GEMIN5: variants seen among roughly 807,000 people sequenced by gnomAD.
GEMIN5 encodes gem-associated protein 5.
In GEMIN5, 124 loss-of-function variants were observed where a neutral mutation model predicts 176.9. The observed-to-expected ratio is 0.70, with a 90% confidence interval of 0.61 to 0.81. The LOEUF is 0.81. GEMIN5 is among the 40% of genes least tolerant of loss of function. The pLI, the probability that GEMIN5 is intolerant of heterozygous loss-of-function variation, is 0.00. For synonymous variants in GEMIN5, 673 were observed against 665.2 expected (o/e 1.01, Z -0.18); for missense variants, 1,843 against 1,814.6 (o/e 1.02, Z -0.28).
At chr5:154,936,340 C>T (rs1376572879) in intron 2 of GEMIN5, among the ~76,000 whole-genome samples, 3 of 53,028 alleles carry the variant, frequency 5.7e-5, no homozygotes, top group Non-Finnish European at 1.3e-4. Context: ...TGGCGTCAAC[C>T]CAGGAGGCGG....
chr5:154,911,872 G>C lies in GEMIN5; in HGVS notation c.2022C>G (p.Pro674=), dbSNP rs149213311. 47 of 1,613,876 alleles carry C rather than the reference G, an allele frequency of 2.9e-5. No homozygotes were observed. Among genetic ancestry groups the C allele is most frequent in the Non-Finnish European group, 3.9e-5 (46 of 1,179,968 alleles). The change falls in exon 15 of 28, where the codon CCC becomes CCG. Residue 674 remains proline, a synonymous_variant. Transcript: ENST00000285873. ...AQVWDALREE[P]LCNFRGHRGR... ...CTCGATGTCCTCGGAAATTGCACAG[G>C]GGCTCTTCCCGGAGAGCATCCCACA... is the stretch of plus-strand genomic sequence containing the variant.
At position 154,937,111 on chromosome 5, in the gene GEMIN5, G is replaced by A. The variant is rs35359985; in HGVS notation, c.241C>T (p.Leu81Phe). Residue 81 changes from leucine to phenylalanine, a missense_variant, in exon 2 of 28, where the codon CTC becomes TTC. Physicochemically the swap from Leu to Phe is conservative, Grantham distance 22. Coordinates refer to ENST00000285873, the MANE Select transcript of GEMIN5 (RefSeq NM_015465.5). ...CCATCGTCGGAGCTGGTGGCACAGA[G>A]GTTGTACTGACCAGGGTGATGAGAA... ...TFSHHPGQYN[L>F]CATSSDDGTV... is the part of the protein sequence containing the mutation. 1.3e-3 allele frequency: 2,142 copies of A among 1,613,920 alleles called. 22 individuals are homozygous for A. In the African/African-American group the frequency reaches 0.025, roughly 19 times the overall value.
At chr5:154,931,198 C>T (rs1443881694) in intron 5 of GEMIN5, among the ~76,000 whole-genome samples, 1 of 152,244 alleles carries the variant, frequency 6.6e-6, no homozygotes, top group Non-Finnish European at 1.5e-5. Context: ...ATTCTGCTCT[C>T]CATGCCAAAC....
At chr5:154,932,055 T>C (rs774634727) in intron 4 of GEMIN5, 44 bp downstream of exon 4, 2 of 1,406,802 alleles carry the variant, frequency 1.4e-6, no homozygotes, top group Non-Finnish European at 2.0e-6. Context: ...CGTTCTGTTC[T>C]TCAGGTCTCA....
chr5:154,906,574 T>A (rs1763572923), intron 16 of GEMIN5, among the ~76,000 whole-genome samples: 1 of 151,920 alleles, frequency 6.6e-6, no homozygotes, highest in Middle Eastern at 3.4e-3. Context: ...AAAGACTTTT[T>A]AAAAAAAAGA....
chr5:154,928,259 G>A (rs1207298128), intron 6 of GEMIN5, among the ~76,000 whole-genome samples: 1 of 152,164 alleles, frequency 6.6e-6, no homozygotes, highest in Non-Finnish European at 1.5e-5. Flanking sequence ...AAAGGGTCTT[G>A]CTCAGGAATA....
rs199843544 is a variant in GEMIN5 at position 154,898,416 on chromosome 5, T to G, written c.3345+24A>C. ...TTTGGGACACTTCCCTCTTGTATAC[T>G]AGGAGATGAAATAACAGACTGACCT... On this transcript the variant is annotated intron_variant, in intron 23 of 27. Coordinates refer to ENST00000285873, the MANE Select transcript of GEMIN5 (RefSeq NM_015465.5). 2.7e-5 allele frequency: 43 copies of G among 1,573,872 alleles called. No homozygotes were observed. The East Asian group carries it at 9.2e-4, about 34-fold the overall frequency.
rs984422164 is a variant in GEMIN5, at chr5:154,894,528, T to C, written c.3597+1564A>G. On this transcript the variant is annotated intron_variant, in intron 24 of 27. Transcript: ENST00000285873. ...GCTCACACTTGTAATCACAGCACTT[T>C]GGGAGGCCGAGGCAGGTGGATCACA... is the stretch of plus-strand genomic sequence containing the variant. Among the ~76,000 whole-genome samples, 11 of 151,912 alleles carry C rather than the reference T, an allele frequency of 7.2e-5. No homozygotes were observed. In the South Asian group the frequency reaches 8.4e-4, roughly 12 times the overall value.
intron 24 of GEMIN5, among the ~76,000 whole-genome samples, chr5:154,895,301 AGC>A (rs2113457833): frequency 1.3e-5 from 2 of 150,466 alleles, no homozygotes; most frequent in African/African-American, 4.9e-5. Context: ...ATTCGAGACC[AGC>A]CTGGGTAACA....
intron 3 of GEMIN5, among the ~76,000 whole-genome samples, chr5:154,934,647 T>C (rs1316447267): frequency 6.6e-6 from 1 of 151,952 alleles, no homozygotes; most frequent in Non-Finnish European, 1.5e-5. Flanking sequence ...GTACGCCCCG[T>C]CTCCTTCTCC....
chr5:154,936,073 A>AC (rs1257215600), intron 2 of GEMIN5, 51 bp from the exon 3 acceptor site: 1 of 1,142,306 alleles, frequency 8.8e-7, no homozygotes, highest in Non-Finnish European at 1.3e-6. Context: ...GTTCTACTTA[A>AC]TTTTTAACTT....
intron 3 of GEMIN5, among the ~76,000 whole-genome samples, chr5:154,933,484 C>CA (rs976130645): frequency 4.6e-4 from 70 of 151,948 alleles, no homozygotes; most frequent in African/African-American, 1.6e-3. Context: ...TTTTTTACAA[C>CA]AAAAAAATGC....
intron 3 of GEMIN5, among the ~76,000 whole-genome samples, chr5:154,934,151 G>A (rs1425834613): frequency 4.6e-5 from 7 of 152,100 alleles, no homozygotes; most frequent in Admixed American, 4.6e-4. Context: ...GAGTAGCTGG[G>A]CTTACAGGTG....
intron 11 of GEMIN5, among the ~76,000 whole-genome samples, 192 bp from the exon 12 acceptor site, chr5:154,918,196 A>G (rs984002860): frequency 6.6e-6 from 1 of 152,098 alleles, no homozygotes; most frequent in Non-Finnish European, 1.5e-5. Context: ...TAACTGGGCC[A>G]AAAAAACAAA....
At chr5:154,902,722 T>C (rs1351591423) in intron 19 of GEMIN5, 46 bp from the exon 20 acceptor site, 1 of 1,589,872 alleles carries the variant, frequency 6.3e-7, no homozygotes, top group African/African-American at 1.4e-5. Context: ...CAGAAACATC[T>C]GTTACTGACT....
At position 154,937,127 on chromosome 5, in the gene GEMIN5, G is replaced by A. The variant is rs368523686; in HGVS notation, c.225C>T (p.His75=). The A allele has an allele frequency of 3.1e-6, 5 of 1,613,606 alleles. No individual in the cohort carries two copies. ...TGGCACAGAGGTTGTACTGACCAGGGTGATGAGAAAATGTGAAGCCAGAGA... is the reference window on the plus strand; with the variant it reads ...TGGCACAGAGGTTGTACTGACCAGGATGATGAGAAAATGTGAAGCCAGAGA... ...ERVSGFTFSH[H]PGQYNLCATS... is the part of the protein sequence containing the mutation. Residue 75 remains histidine (H), a synonymous_variant, in exon 2 of 28, where the codon CAC becomes CAT. Transcript: ENST00000285873.
chr5:154,903,288 A>G (rs1254645889), intron 18 of GEMIN5, 113 bp from the exon 19 acceptor site: 1 of 694,820 alleles, frequency 1.4e-6, no homozygotes, highest in Non-Finnish European at 2.5e-6. Context: ...CACTGAGAGA[A>G]TCAGAGCTCT....
In GEMIN5 at chr5:154,932,173, T is replaced by C; in HGVS notation, c.587A>G (p.Asp196Gly). Reference protein sequence around the residue: ...EVIHRLRGHDDEIHSIAWCPL... With the variant: ...EVIHRLRGHDGEIHSIAWCPL... ...ACACCAGGCTATGGAGTGGATTTCA[T>C]CATCATGGCCTCGAAGCCTATGAAT... The change falls in exon 4 of 28, where the codon GAT (aspartate) becomes GGT (glycine). Residue 196 changes from aspartate (D) to glycine (G), a missense_variant. Transcript: ENST00000285873. The C allele has an allele frequency of 1.2e-6, 2 of 1,611,374 alleles. No homozygotes were observed. Among genetic ancestry groups the C allele is most frequent in the South Asian group, 1.1e-5 (1 of 91,024 alleles).
chr5:154,932,016 T>C (rs2544866), intron 4 of GEMIN5, 83 bp downstream of exon 4: 983,622 of 1,101,190 alleles, frequency 0.89, 441,289 homozygotes, highest in Non-Finnish European at 0.92. Flanking sequence ...CAAAAATAAA[T>C]AATAAATAAA....
Sources: allele counts gnomAD v4.1 joint callset (sites outside exome capture counted in the v4.1 genomes callset), GRCh38; gene constraint gnomAD v4.1.1; transcripts MANE v1.5; gene names NCBI Gene and HGNC (gene_info 2026-07-23, HGNC 2026-07-21).